Variants in RASEF observed in about 807,000 individuals in gnomAD.
RASEF encodes ras and EF-hand domain-containing protein.
A neutral mutation model predicts 90.1 loss-of-function variants in RASEF; 68 were observed. The observed-to-expected ratio is 0.75, with a 90% CI of 0.62 to 0.92. The LOEUF (loss-of-function observed/expected upper bound fraction) is 0.92, where lower values mean the gene tolerates loss of function less well. RASEF is among the 40% of genes least tolerant of loss of function. The pLI is 0.00. For missense variants in RASEF, 949 were observed against 937.2 expected (o/e 1.01, Z -0.16); for synonymous variants, 331 against 345.2 (o/e 0.96, Z 0.46).
At chr9:83,154,999 A>T in the RASEF span, among the ~76,000 whole-genome samples, 1 of 152,236 alleles carries the variant, frequency 6.6e-6, no homozygotes, top group African/African-American at 2.4e-5. Context: ...CTGCTGAGTC[A>T]GAGCTAACCT....
chr9:83,148,766 C>T, the RASEF span, among the ~76,000 whole-genome samples: 1 of 152,196 alleles, frequency 6.6e-6, no homozygotes, highest in Non-Finnish European at 1.5e-5. Flanking sequence ...ACCCATTCAA[C>T]ATAGCATATT....
At chr9:83,156,427 C>T in the RASEF span, among the ~76,000 whole-genome samples, 1 of 152,144 alleles carries the variant, frequency 6.6e-6, no homozygotes, top group Non-Finnish European at 1.5e-5. Context: ...TTGCTGGTTC[C>T]TCATGTTCTT....
the RASEF span, among the ~76,000 whole-genome samples, chr9:83,084,044 C>T: frequency 4.0e-5 from 6 of 151,872 alleles, no homozygotes; most frequent in African/African-American, 1.5e-4. Context: ...GAATATTACG[C>T]AAGCATCAAT....
intron 1 of RASEF, among the ~76,000 whole-genome samples, chr9:83,052,222 G>A (rs1371957805): frequency 1.4e-5 from 2 of 139,698 alleles, no homozygotes; most frequent in Admixed American, 1.4e-4. Context: ...CAATTTCAGA[G>A]CCTGTTATTG....
chr9:83,207,258 C>T, the RASEF span, among the ~76,000 whole-genome samples: 90 of 152,298 alleles, frequency 5.9e-4, no homozygotes, highest in Admixed American at 1.2e-3. Context: ...AGGATGCCTT[C>T]ACACCGGTTG....
the RASEF span, among the ~76,000 whole-genome samples, chr9:83,178,106 C>T: frequency 6.6e-6 from 1 of 152,094 alleles, no homozygotes; most frequent in Non-Finnish European, 1.5e-5. Context: ...TTCTCACCGG[C>T]AATTATTTTT....
intron 5 of RASEF, among the ~76,000 whole-genome samples, chr9:83,009,997 C>T (rs780023235): frequency 1.1e-4 from 16 of 152,130 alleles, no homozygotes; most frequent in Admixed American, 2.6e-4. Flanking sequence ...ATATTTGACA[C>T]CAAACTACAA....
At chr9:83,048,309 T>C in intron 1 of RASEF, 3 of 985,346 alleles carry the variant, frequency 3.0e-6, no homozygotes, top group Non-Finnish European at 3.6e-6. Context: ...TTCTCTGTGG[T>C]AGAGGGGTGG....
In RASEF at chr9:82,980,377, G is replaced by C. The variant is rs1205185017; in HGVS notation, c.*2300C>G. The stretch of plus-strand genomic sequence containing the variant: ...TCTCTTTAAACATGATTGCTAACCA[G>C]AGCTCTAAGTCTCTAATTTGGATTA... On this transcript the variant is annotated 3_prime_UTR_variant, in exon 17 of 17. Transcript: ENST00000376447. 1 of 152,146 alleles carries C rather than the reference G, an allele frequency of 6.6e-6. No homozygotes were observed. Among genetic ancestry groups the C allele is most frequent in the South Asian group, 2.1e-4 (1 of 4,830 alleles). The allele number at this position is 152,146 out of a possible 1,614,324, so 9.4% of individuals were successfully genotyped here. A position where few individuals can be genotyped will look rare whatever the true frequency, so the allele number is the denominator to read the frequency against.
Position 82,981,807 on chromosome 9 carries a change from A to C in RASEF, c.*870T>G, listed in dbSNP as rs1564065911. 1.3e-5 allele frequency: 2 copies of C among 152,336 alleles called. No individual in the cohort carries two copies. The highest frequency in any genetic ancestry group is 3.9e-4 in the East Asian group (2 of 5,190). 9.4% of individuals were successfully genotyped at this position (152,336 alleles called of 1,614,324 possible). ...CCCTGGCAACCACTCCCTTAAGTGA[A>C]GAGTGACAACTTTCCTGGGCATTGT... On this transcript the variant is annotated 3_prime_UTR_variant, in exon 17 of 17. Coordinates refer to ENST00000376447, the MANE Select transcript of RASEF (RefSeq NM_152573.4).
At chr9:83,186,748 A>C in the RASEF span, among the ~76,000 whole-genome samples, 1 of 152,138 alleles carries the variant, frequency 6.6e-6, no homozygotes, top group African/African-American at 2.4e-5. Context: ...GAAATGACTT[A>C]TTTTTTAAAG....
At chr9:83,207,660 C>T in the RASEF span, among the ~76,000 whole-genome samples, 607 of 124,472 alleles carry the variant, frequency 4.9e-3, 4 homozygotes, top group African/African-American at 0.017. Context: ...GGTGGTGGAG[C>T]GCAGTGGCGC....
chr9:83,062,913 C>A lies in RASEF; in HGVS notation c.-46G>T, dbSNP rs1284721032. 5 of 1,389,396 alleles carry A rather than the reference C, an allele frequency of 3.6e-6. No individual in the cohort carries two copies. The highest frequency in any genetic ancestry group is 4.6e-6 in the Non-Finnish European group (5 of 1,083,318). 86.1% of individuals were successfully genotyped at this position (1,389,396 alleles called of 1,614,324 possible). ...GAGAGGGCTCCGGAGCGCCGCGGGG[C>A]GCAGGGCCCTCCCTGGAAGGACGGG... On this transcript the variant is annotated 5_prime_UTR_variant, in exon 1 of 17. Coordinates refer to ENST00000376447, the MANE Select transcript of RASEF (RefSeq NM_152573.4).
chr9:83,066,896 A>C (rs556519967), upstream of RASEF, among the ~76,000 whole-genome samples: 1 of 152,270 alleles, frequency 6.6e-6, no homozygotes, highest in South Asian at 2.1e-4. Flanking sequence ...AATTTCCGTG[A>C]GCTTTCCACA....
intron 1 of RASEF, chr9:83,048,521 A>T (rs556366240): frequency 4.1e-6 from 4 of 985,232 alleles, no homozygotes; most frequent in Non-Finnish European, 4.8e-6. Flanking sequence ...TCCTGGGCAT[A>T]CAGTGGATAC....
the RASEF span, among the ~76,000 whole-genome samples, chr9:83,105,015 A>T: frequency 2.6e-5 from 4 of 152,188 alleles, no homozygotes; most frequent in Non-Finnish European, 4.4e-5. Flanking sequence ...GCAAAGCTTC[A>T]TATTTATTGA....
the RASEF span, among the ~76,000 whole-genome samples, chr9:83,195,934 G>C: frequency 6.6e-6 from 1 of 152,112 alleles, no homozygotes; most frequent in South Asian, 2.1e-4. Context: ...CAAAAAACAA[G>C]GGTGCAAGCA....
At position 82,981,674 on chromosome 9, in the gene RASEF, A is replaced by G. The variant is rs986327822; in HGVS notation, c.*1003T>C. On this transcript the variant is annotated 3_prime_UTR_variant, in exon 17 of 17. Transcript: ENST00000376447. ...CAATTCAGTGGTTCCTAGTACATTC[A>G]AACAGTTATACAACTATCACCACTA... 6.6e-6 allele frequency: 1 copy of G among 152,216 alleles called. No individual in the cohort carries two copies. Among genetic ancestry groups the G allele is most frequent in the Non-Finnish European group, 1.5e-5 (1 of 68,044 alleles). 9.4% of individuals were successfully genotyped at this position (152,216 alleles called of 1,614,324 possible). A position where few individuals can be genotyped will look rare whatever the true frequency, so the allele number is the denominator to read the frequency against.
chr9:83,047,627 T>TAGG (rs568869573), intron 1 of RASEF, among the ~76,000 whole-genome samples: 85 of 152,116 alleles, frequency 5.6e-4, no homozygotes, highest in Non-Finnish European at 9.9e-4. Context: ...ACATACCCAT[T>TAGG]AGGGCAGCAT....
Sources: allele counts gnomAD v4.1 joint callset (sites outside exome capture counted in the v4.1 genomes callset), GRCh38; gene constraint gnomAD v4.1.1; transcripts MANE v1.5; gene names NCBI Gene and HGNC (gene_info 2026-07-23, HGNC 2026-07-21).